The following C1orf21 variants were observed in gnomAD, a reference collection of about 807,000 sequenced individuals.
The protein encoded by C1orf21 is chromosome 1 open reading frame 21, also known as uncharacterized protein C1orf21.
C1orf21 carries 3 observed loss-of-function variants against 18.7 expected under a neutral mutation model. The observed-to-expected ratio is 0.16, with a 90% CI of 0.07 to 0.42. The LOEUF is 0.42. C1orf21 is among the 10% of genes least tolerant of loss of function. The pLI is 0.99. For synonymous variants in C1orf21, 41 were observed against 46.4 expected, an observed-to-expected ratio of 0.88 and a Z score of 0.47; for missense variants, 104 against 143.6, an observed-to-expected ratio of 0.72 and a Z score of 1.41.
chr1:184,513,769 G>A (rs182151395), intron 3 of C1orf21, among the ~76,000 whole-genome samples: 1 of 152,260 alleles, frequency 6.6e-6, no homozygotes. Flanking sequence ...GGAAAGAGCT[G>A]TTTCAGTGAA....
intron 1 of C1orf21, among the ~76,000 whole-genome samples, chr1:184,401,253 T>C (rs1205241318): frequency 2.0e-5 from 3 of 152,162 alleles, no homozygotes; most frequent in Non-Finnish European, 4.4e-5. Context: ...GGAGTTTCAC[T>C]GTCGTTGCCC....
At chr1:184,485,906 C>T (rs1214267868) in intron 2 of C1orf21, among the ~76,000 whole-genome samples, 1 of 152,116 alleles carries the variant, frequency 6.6e-6, no homozygotes, top group Admixed American at 6.6e-5. Context: ...CAGTAAAGAG[C>T]CCTAAGGGCA....
intron 1 of C1orf21, among the ~76,000 whole-genome samples, chr1:184,406,991 C>T (rs1461510617): frequency 6.6e-6 from 1 of 151,818 alleles, no homozygotes; most frequent in Non-Finnish European, 1.5e-5. Context: ...TTCTAGAGAC[C>T]GAGTCTTGCT....
At chr1:184,426,465 C>T (rs1196925105) in intron 1 of C1orf21, among the ~76,000 whole-genome samples, 1 of 152,162 alleles carries the variant, frequency 6.6e-6, no homozygotes, top group South Asian at 2.1e-4. Context: ...CGAGACCCAC[C>T]CACCTCTCTC....
intron 3 of C1orf21, among the ~76,000 whole-genome samples, chr1:184,523,997 A>G (rs575918265): frequency 6.6e-6 from 1 of 152,288 alleles, no homozygotes; most frequent in Non-Finnish European, 1.5e-5. Context: ...AAATATGAGC[A>G]TGCTGATTTC....
At chr1:184,596,612 A>G (rs935727332) in intron 4 of C1orf21, among the ~76,000 whole-genome samples, 2 of 152,172 alleles carry the variant, frequency 1.3e-5, no homozygotes, top group Non-Finnish European at 2.9e-5. Context: ...GCTTACGCCT[A>G]TAATCCAAGC....
intron 1 of C1orf21, among the ~76,000 whole-genome samples, chr1:184,435,861 C>T (rs980542729): frequency 6.6e-6 from 1 of 152,184 alleles, no homozygotes; most frequent in Non-Finnish European, 1.5e-5. Context: ...AGGACAAAAT[C>T]TGAAATCTGA....
intron 1 of C1orf21, among the ~76,000 whole-genome samples, chr1:184,463,333 T>C (rs1657337140): frequency 6.6e-6 from 1 of 152,152 alleles, no homozygotes; most frequent in Non-Finnish European, 1.5e-5. Context: ...AATTTTCTCT[T>C]CTATTCATAA....
intron 5 of C1orf21, 22 bp from the exon 6 acceptor site, chr1:184,619,496 C>T: frequency 1.2e-6 from 2 of 1,610,150 alleles, no homozygotes; most frequent in South Asian, 2.2e-5. Context: ...TTCACATGCT[C>T]TTTTTTCTTT....
chr1:184,563,082 A>G (rs374033308), intron 3 of C1orf21, among the ~76,000 whole-genome samples: 1 of 152,334 alleles, frequency 6.6e-6, no homozygotes, highest in East Asian at 1.9e-4. Context: ...GTGGAGCAAG[A>G]GAGTTAGAGC....
chr1:184,608,734 A>G (rs1316264017), intron 5 of C1orf21, among the ~76,000 whole-genome samples: 1 of 152,178 alleles, frequency 6.6e-6, no homozygotes, highest in African/African-American at 2.4e-5. Context: ...AAAATGGATT[A>G]ATCAGGCCAG....
chr1:184,455,884 G>A (rs1190794584), intron 1 of C1orf21, among the ~76,000 whole-genome samples: 1 of 152,188 alleles, frequency 6.6e-6, no homozygotes, highest in Non-Finnish European at 1.5e-5. Context: ...AATTCTCTAT[G>A]TATAGGTGTA....
chr1:184,558,545 T>C (rs1077993), intron 3 of C1orf21, among the ~76,000 whole-genome samples: 25,584 of 152,166 alleles, frequency 0.17, 2,451 homozygotes, highest in East Asian at 0.31. Flanking sequence ...AATGCAGCCA[T>C]CTATCCAATA....
intron 5 of C1orf21, among the ~76,000 whole-genome samples, chr1:184,612,914 T>C (rs1435875975): frequency 6.6e-6 from 1 of 152,224 alleles, no homozygotes; most frequent in African/African-American, 2.4e-5. Context: ...GTTACTGTTG[T>C]TACTCTCTTG....
intron 3 of C1orf21, among the ~76,000 whole-genome samples, chr1:184,533,503 C>T (rs559422651): frequency 1.7e-4 from 26 of 152,116 alleles, no homozygotes; most frequent in Middle Eastern, 6.3e-3. Flanking sequence ...TTAATACTTC[C>T]GGTAGATCCA....
intron 1 of C1orf21, among the ~76,000 whole-genome samples, chr1:184,465,906 C>T (rs1657386801): frequency 6.6e-6 from 1 of 152,092 alleles, no homozygotes; most frequent in Non-Finnish European, 1.5e-5. Context: ...GTGTTAACAC[C>T]ACGAGGCGCT....
At chr1:184,411,469 T>C (rs1049459878) in intron 1 of C1orf21, among the ~76,000 whole-genome samples, 1 of 142,162 alleles carries the variant, frequency 7.0e-6, no homozygotes, top group South Asian at 2.2e-4. Flanking sequence ...TCGCCCAGGC[T>C]GGAGTGCAGT....
chr1:184,610,901 G>T (rs1438936359), intron 5 of C1orf21, among the ~76,000 whole-genome samples: 1 of 151,924 alleles, frequency 6.6e-6, no homozygotes, highest in Non-Finnish European at 1.5e-5. Flanking sequence ...GGTGAAATGG[G>T]GATTCGGGTA....
intron 1 of C1orf21, among the ~76,000 whole-genome samples, chr1:184,476,657 A>C (rs1032945061): frequency 1.3e-5 from 2 of 152,198 alleles, no homozygotes; most frequent in African/African-American, 2.4e-5. Context: ...TAGAAGCATG[A>C]AGTTTACGCC....
Sources: allele counts gnomAD v4.1 joint callset (sites outside exome capture counted in the v4.1 genomes callset), GRCh38; gene constraint gnomAD v4.1.1; transcripts MANE v1.5; gene names NCBI Gene and HGNC (gene_info 2026-07-23, HGNC 2026-07-21).